PDE8B: variants seen among roughly 807,000 people sequenced by gnomAD.
PDE8B encodes high affinity cAMP-specific and IBMX-insensitive 3',5'-cyclic phosphodiesterase 8B.
In PDE8B, 26 loss-of-function variants were observed where a neutral mutation model predicts 101.3. The ratio of observed to expected loss-of-function variants is 0.26; its 90% CI spans 0.19 to 0.36. The LOEUF is 0.36. PDE8B is among the 10% of genes least tolerant of loss of function. PDE8B has a pLI of 1.00. For missense variants in PDE8B, 810 were observed against 1,163.1 expected (o/e 0.70, Z 4.42); for synonymous variants, 424 against 429.3 (o/e 0.99, Z 0.15).
chr5:77,102,532 G>A, the PDE8B span, among the ~76,000 whole-genome samples: 8 of 152,184 alleles, frequency 5.3e-5, no homozygotes, highest in African/African-American at 1.4e-4. Context: ...CTGAGGCAGG[G>A]CAGGAGCTAG....
rs1174911187 is a variant in PDE8B, at chr5:77,325,530, G to T, written c.400-9G>T. On this transcript the variant is annotated splice_polypyrimidine_tract_variant and intron_variant, in intron 2 of 21. Transcript: ENST00000264917. ...TTTATTTCAAGATGCCCTTTTTGTTGTGTTTCAGGTTTTGCTGATCTTTGC... is the reference window on the plus strand; with the variant it reads ...TTTATTTCAAGATGCCCTTTTTGTTTTGTTTCAGGTTTTGCTGATCTTTGC... 2.5e-6 allele frequency: 4 copies of T among 1,613,214 alleles called. No homozygotes were observed. Among genetic ancestry groups the T allele is most frequent in the Non-Finnish European group, 3.4e-6 (4 of 1,179,240 alleles).
At chr5:77,303,044 G>C (rs1580901408) in intron 1 of PDE8B, among the ~76,000 whole-genome samples, 1 of 152,080 alleles carries the variant, frequency 6.6e-6, no homozygotes, top group South Asian at 2.1e-4. Flanking sequence ...ACCAAATAAA[G>C]ACTTTACTGG....
the PDE8B span, among the ~76,000 whole-genome samples, chr5:77,122,534 A>G: frequency 0.15 from 23,440 of 152,230 alleles, 1,866 homozygotes; most frequent in African/African-American, 0.19. Flanking sequence ...GGAAATGCAC[A>G]ACACTTTTAA....
intron 5 of PDE8B, among the ~76,000 whole-genome samples, chr5:77,335,241 G>T (rs1020527207): frequency 6.6e-6 from 1 of 151,964 alleles, no homozygotes; most frequent in Non-Finnish European, 1.5e-5. Context: ...TTTTATCATG[G>T]TTTTTTCATG....
the PDE8B span, among the ~76,000 whole-genome samples, chr5:77,175,992 G>A: frequency 2.0e-5 from 3 of 152,188 alleles, no homozygotes; most frequent in African/African-American, 7.2e-5. Flanking sequence ...AACCTCATCA[G>A]TGAAACCAGA....
At chr5:77,227,120 G>T (rs1752563660) in intron 1 of PDE8B, among the ~76,000 whole-genome samples, 1 of 152,156 alleles carries the variant, frequency 6.6e-6, no homozygotes, top group Non-Finnish European at 1.5e-5. Context: ...CCTTATTTTG[G>T]TATTAATCAC....
At chr5:77,289,025 GC>G (rs1446880659) in intron 1 of PDE8B, among the ~76,000 whole-genome samples, 1 of 151,648 alleles carries the variant, frequency 6.6e-6, no homozygotes, top group Non-Finnish European at 1.5e-5. Context: ...CTCTTTCTTC[GC>G]TTCTCTTTTT....
Position 77,211,045 on chromosome 5 carries a change from G to A in PDE8B, c.120G>A (p.Leu40=). 1 of 1,535,552 alleles carries A rather than the reference G, an allele frequency of 6.5e-7. No individual in the cohort carries two copies. The highest frequency in any genetic ancestry group is 8.7e-7 in the Non-Finnish European group (1 of 1,151,314). The change falls in exon 1 of 22, where the codon CTG becomes CTA. Residue 40 remains leucine, a synonymous_variant. Coordinates refer to ENST00000264917, the MANE Select transcript of PDE8B (RefSeq NM_003719.5). The surrounding 1 kb of genome is among the most constrained non-coding windows in gnomAD (Gnocchi z 4.1). ...TSVSQGPAAP[L]PGLFVQTDAA... ...TGTCGCAGGGCCCGGCGGCACCCCT[G>A]CCCGGCCTCTTCGTCCAGACCGACG...
the PDE8B span, among the ~76,000 whole-genome samples, chr5:77,101,834 A>G: frequency 6.6e-6 from 1 of 152,154 alleles, no homozygotes; most frequent in African/African-American, 2.4e-5. Flanking sequence ...TAGAAATAAA[A>G]AGCAGAATGG....
chr5:77,276,163 T>G (rs1057298449), intron 1 of PDE8B, among the ~76,000 whole-genome samples: 1 of 152,240 alleles, frequency 6.6e-6, no homozygotes, highest in East Asian at 1.9e-4. Flanking sequence ...TGTGCATTAT[T>G]GTACTCAGCA....
the PDE8B span, among the ~76,000 whole-genome samples, chr5:77,135,708 C>T: frequency 6.6e-6 from 1 of 151,952 alleles, no homozygotes; most frequent in East Asian, 1.9e-4. Flanking sequence ...AGCTCCTGAC[C>T]TCGTGATCCA....
intron 1 of PDE8B, among the ~76,000 whole-genome samples, chr5:77,265,521 T>C (rs1761511420): frequency 6.6e-6 from 1 of 152,192 alleles, no homozygotes; most frequent in African/African-American, 2.4e-5. Context: ...TTTAACATTG[T>C]TAGCCACCTT....
At chr5:77,128,514 A>G in the PDE8B span, among the ~76,000 whole-genome samples, 3 of 152,204 alleles carry the variant, frequency 2.0e-5, no homozygotes, top group African/African-American at 7.2e-5. Flanking sequence ...CAGGCATCAC[A>G]GACTCTGGTG....
chr5:77,253,115 C>A (rs1187083437), intron 1 of PDE8B, among the ~76,000 whole-genome samples: 1 of 152,118 alleles, frequency 6.6e-6, no homozygotes, highest in Non-Finnish European at 1.5e-5. Flanking sequence ...AGGTAAACAT[C>A]TGTTTTTAGG....
chr5:77,367,455 C>T (rs929646082), intron 10 of PDE8B, among the ~76,000 whole-genome samples: 1 of 151,798 alleles, frequency 6.6e-6, no homozygotes, highest in Admixed American at 6.6e-5. Flanking sequence ...TCCAGCTAGT[C>T]TTCCTGGTGA....
the PDE8B span, chr5:77,180,429 C>A: frequency 8.1e-6 from 8 of 985,218 alleles, no homozygotes; most frequent in East Asian, 5.7e-4. Flanking sequence ...ACCAGGGCGC[C>A]CAGGAGCCGC....
At chr5:77,344,454 G>A (rs1779800588) in intron 6 of PDE8B, among the ~76,000 whole-genome samples, 2 of 152,308 alleles carry the variant, frequency 1.3e-5, no homozygotes, top group South Asian at 2.1e-4. Context: ...ATGTATTGCT[G>A]ACAGTTCTGG....
chr5:77,113,637 G>A, the PDE8B span: 2 of 152,112 alleles, frequency 1.3e-5, no homozygotes, highest in Non-Finnish European at 2.9e-5. Context: ...CAAAAGCAAT[G>A]GCAACAAAAG....
chr5:77,160,512 T>C, the PDE8B span, among the ~76,000 whole-genome samples: 1 of 152,258 alleles, frequency 6.6e-6, no homozygotes, highest in Admixed American at 6.5e-5. Flanking sequence ...GATTGTCGTA[T>C]ACTAATTTGT....
Sources: allele counts gnomAD v4.1 joint callset (sites outside exome capture counted in the v4.1 genomes callset), GRCh38; gene constraint gnomAD v4.1.1; non-coding constraint Gnocchi (gnomAD v3.1); transcripts MANE v1.5; gene names NCBI Gene and HGNC (gene_info 2026-07-23, HGNC 2026-07-21).